Variants in RSRC1 observed in about 807,000 individuals in gnomAD.
The protein encoded by RSRC1 is serine/Arginine-related protein 53.
Under a neutral mutation model 49.1 loss-of-function variants are expected in RSRC1, and 39 were observed. The observed-to-expected ratio is 0.79, with a 90% CI of 0.61 to 1.04. The LOEUF (loss-of-function observed/expected upper bound fraction) is 1.04, where lower values mean the gene tolerates loss of function less well. Ranked by LOEUF, RSRC1 falls within the 50% of genes least tolerant of loss-of-function variation. The probability of loss-of-function intolerance (pLI) is 0.00; values close to 1 mark genes in which losing one functional copy is unlikely to be tolerated. For missense variants in RSRC1, 388 were observed against 402.4 expected (o/e 0.96, Z 0.31); for synonymous variants, 143 against 130.8 (o/e 1.09, Z -0.63).
At chr3:158,212,983 G>A (rs1170098727) in intron 4 of RSRC1, among the ~76,000 whole-genome samples, 2 of 151,852 alleles carry the variant, frequency 1.3e-5, no homozygotes, top group Non-Finnish European at 2.9e-5. Flanking sequence ...TCATTGGAGT[G>A]GCATCTCCAA....
chr3:158,424,776 A>G lies in RSRC1; in HGVS notation c.584-36159A>G, dbSNP rs546129498. 1.4e-4 allele frequency among the ~76,000 whole-genome samples: 22 copies of G among 152,258 alleles called. No homozygotes were observed. The South Asian group carries it at 4.6e-3, about 32-fold the overall frequency. The stretch of plus-strand genomic sequence containing the variant: ...TTCAGCTCCTGTTATTGGTCTATTC[A>G]GAGATTCAACTTCTTCCTGGCTTAG... On this transcript the variant is annotated intron_variant, in intron 6 of 9. Coordinates refer to ENST00000611884, the MANE Select transcript of RSRC1 (RefSeq NM_001271838.2).
intron 7 of RSRC1, among the ~76,000 whole-genome samples, chr3:158,494,991 C>T (rs1578543589): frequency 6.6e-6 from 1 of 152,174 alleles, no homozygotes; most frequent in Admixed American, 6.6e-5. Context: ...GTATTATGTG[C>T]TCTACATAAT....
chr3:158,126,616 C>T (rs1374439624), intron 3 of RSRC1, among the ~76,000 whole-genome samples: 1 of 152,080 alleles, frequency 6.6e-6, no homozygotes, highest in African/African-American at 2.4e-5. Flanking sequence ...GTTTTACATA[C>T]CACCATTACA....
chr3:158,529,631 T>TTAA (rs1712263062), intron 7 of RSRC1, among the ~76,000 whole-genome samples: 1 of 152,016 alleles, frequency 6.6e-6, no homozygotes, highest in East Asian at 1.9e-4. Context: ...ACAGCTCATC[T>TTAA]GGCCTTCTAA....
At chr3:158,535,579 T>G (rs1420942873) in intron 7 of RSRC1, among the ~76,000 whole-genome samples, 6 of 151,346 alleles carry the variant, frequency 4.0e-5, no homozygotes, top group Non-Finnish European at 5.9e-5. Flanking sequence ...ATAAAGAGCC[T>G]GGATTCTTTG....
At chr3:158,460,871 C>A in intron 6 of RSRC1, 64 bp from the exon 7 acceptor site, 1 of 1,061,526 alleles carries the variant, frequency 9.4e-7, no homozygotes, top group Non-Finnish European at 1.3e-6. Context: ...GTCCCTTTAA[C>A]CAATATTTTC....
At chr3:158,401,182 C>A (rs933844450) in intron 6 of RSRC1, among the ~76,000 whole-genome samples, 2 of 151,964 alleles carry the variant, frequency 1.3e-5, no homozygotes, top group Non-Finnish European at 2.9e-5. Flanking sequence ...CGATGAAATT[C>A]TAGCAACATA....
At chr3:158,139,607 A>G (rs1018107554) in intron 3 of RSRC1, among the ~76,000 whole-genome samples, 1 of 151,178 alleles carries the variant, frequency 6.6e-6, no homozygotes, top group Admixed American at 6.6e-5. Context: ...ATTAATAGCT[A>G]ATGATGCTTT....
At chr3:158,125,599 G>T (rs763240675) in intron 3 of RSRC1, among the ~76,000 whole-genome samples, 5 of 151,928 alleles carry the variant, frequency 3.3e-5, no homozygotes, top group African/African-American at 4.8e-5. Context: ...CTATGATTTC[G>T]GTCTTATTAA....
intron 5 of RSRC1, among the ~76,000 whole-genome samples, chr3:158,304,729 G>C (rs540999641): frequency 7.9e-5 from 12 of 152,112 alleles, no homozygotes; most frequent in African/African-American, 2.9e-4. Context: ...TCTCACCTAA[G>C]ACAATATACA....
chr3:158,203,304 C>A (rs1721178546), intron 4 of RSRC1, 59 bp downstream of exon 4: 2 of 1,494,024 alleles, frequency 1.3e-6, no homozygotes, highest in South Asian at 1.3e-5. Flanking sequence ...GATGTTCAAA[C>A]TAAATTTTTG....
intron 8 of RSRC1, among the ~76,000 whole-genome samples, chr3:158,538,330 G>A (rs1048583974): frequency 6.6e-6 from 1 of 151,812 alleles, no homozygotes; most frequent in Non-Finnish European, 1.5e-5. Context: ...CCATTTTGTT[G>A]ATTTCCTTTG....
chr3:158,491,555 T>C (rs1739085223), intron 7 of RSRC1, among the ~76,000 whole-genome samples: 1 of 152,216 alleles, frequency 6.6e-6, no homozygotes, highest in South Asian at 2.1e-4. Flanking sequence ...GGCTTTGTTA[T>C]AATAAAATTG....
At position 158,430,740 on chromosome 3, in the gene RSRC1, T is replaced by C. The variant is rs571810592; in HGVS notation, c.584-30195T>C. On this transcript the variant is annotated intron_variant, in intron 6 of 9. Transcript: ENST00000611884. The stretch of plus-strand genomic sequence containing the variant: ...ACACTATGAGCATATTGAGATCATG[T>C]TTCATTCACTATTATAACTGTATTA... 1.3e-5 allele frequency among the ~76,000 whole-genome samples: 2 copies of C among 152,068 alleles called. 1 individual carries two copies. The highest frequency in any genetic ancestry group is 2.9e-5 in the Non-Finnish European group (2 of 67,914).
intron 3 of RSRC1, among the ~76,000 whole-genome samples, chr3:158,178,756 T>A (rs1041469605): frequency 6.6e-6 from 1 of 152,308 alleles, no homozygotes; most frequent in African/African-American, 2.4e-5. Flanking sequence ...TTGATGAAGT[T>A]GAGAACGGCT....
intron 5 of RSRC1, among the ~76,000 whole-genome samples, chr3:158,304,105 G>C (rs1415980510): frequency 6.6e-6 from 1 of 152,086 alleles, no homozygotes; most frequent in African/African-American, 2.4e-5. Context: ...TGAGAGTGAT[G>C]TCCTACTTGT....
chr3:158,505,415 G>A (rs1739806924), intron 7 of RSRC1, among the ~76,000 whole-genome samples: 1 of 152,090 alleles, frequency 6.6e-6, no homozygotes, highest in African/African-American at 2.4e-5. Context: ...CACTGAGCCA[G>A]TTTATATTTA....
intron 6 of RSRC1, among the ~76,000 whole-genome samples, chr3:158,375,871 A>T (rs55969621): frequency 0.22 from 33,305 of 152,074 alleles, 4,221 homozygotes; most frequent in Non-Finnish European, 0.29. Flanking sequence ...ACAATTTTTA[A>T]TGAGCGTCTT....
At chr3:158,158,438 A>G (rs1718013725) in intron 3 of RSRC1, among the ~76,000 whole-genome samples, 1 of 152,182 alleles carries the variant, frequency 6.6e-6, no homozygotes, top group African/African-American at 2.4e-5. Context: ...TTTAAAAATC[A>G]TATTCTATTT....
Sources: gnomAD v4.1 joint callset for allele counts (sites outside exome capture counted in the v4.1 genomes callset) on GRCh38, gnomAD v4.1.1 for gene constraint, MANE v1.5 for transcripts, NCBI Gene and HGNC (gene_info 2026-07-23, HGNC 2026-07-21) for gene names.